The following CTNND2 variants were observed in gnomAD, a reference collection of about 807,000 sequenced individuals.
CTNND2 encodes the protein catenin delta-2.
A neutral mutation model predicts 144.4 loss-of-function variants in CTNND2; 22 were observed. That is an observed-to-expected ratio of 0.15 (90% CI 0.11 to 0.22). CTNND2 has a LOEUF of 0.22. CTNND2 is among the 10% of genes least tolerant of loss of function. The pLI, the probability that CTNND2 is intolerant of heterozygous loss-of-function variation, is 1.00. For synonymous variants in CTNND2, 751 were observed against 695.6 expected (o/e 1.08, Z -1.25); for missense variants, 1,353 against 1,618.8 (o/e 0.84, Z 2.82).
At position 11,355,230 on chromosome 5, in the gene CTNND2, A is replaced by G. The variant is rs148801132; in HGVS notation, c.1373-8603T>C. On this transcript the variant is annotated intron_variant, in intron 8 of 21. Coordinates refer to ENST00000304623, the MANE Select transcript of CTNND2 (RefSeq NM_001332.4). The stretch of plus-strand genomic sequence containing the variant: ...TAAACTCAAAATTGGTAGAAAGAAG[A>G]AAACAATAAAGGTGTGTTTATTTTT... 6.5e-4 allele frequency among the ~76,000 whole-genome samples: 99 copies of G among 152,272 alleles called. 1 individual carries two copies. Among genetic ancestry groups the G allele is most frequent in the South Asian group, 3.7e-3 (18 of 4,824 alleles).
chr5:11,317,586 C>T (rs42279), intron 9 of CTNND2, among the ~76,000 whole-genome samples: 38,389 of 152,042 alleles, frequency 0.25, 6,091 homozygotes, highest in African/African-American at 0.43. Flanking sequence ...AAGTACTTTT[C>T]AATGATTTTT....
intron 9 of CTNND2, among the ~76,000 whole-genome samples, chr5:11,250,629 G>A (rs1049189718): frequency 6.7e-6 from 1 of 150,356 alleles, no homozygotes; most frequent in African/African-American, 2.5e-5. Context: ...TGATCCTCCT[G>A]TCTCAGCCTC....
intron 9 of CTNND2, among the ~76,000 whole-genome samples, chr5:11,320,933 T>G (rs559341852): frequency 1.3e-5 from 2 of 152,218 alleles, no homozygotes; most frequent in African/African-American, 4.8e-5. Flanking sequence ...GAATTTAACA[T>G]AGCTTTACAC....
At chr5:11,800,820 T>C (rs1581906552) in intron 1 of CTNND2, among the ~76,000 whole-genome samples, 2 of 152,284 alleles carry the variant, frequency 1.3e-5, no homozygotes, top group East Asian at 3.9e-4. Context: ...AATCCAAAGA[T>C]AAAGTAATAG....
At chr5:11,831,084 G>A (rs968636422) in intron 1 of CTNND2, among the ~76,000 whole-genome samples, 4 of 151,934 alleles carry the variant, frequency 2.6e-5, no homozygotes, top group Non-Finnish European at 5.9e-5. Context: ...CTGCTGGGTT[G>A]GAAGACTCAA....
chr5:11,454,305 A>G (rs753229618), intron 3 of CTNND2, among the ~76,000 whole-genome samples: 1 of 152,146 alleles, frequency 6.6e-6, no homozygotes, highest in Non-Finnish European at 1.5e-5. Context: ...CTGTAGTCCC[A>G]GCTACTAGGG....
At position 11,346,354 on chromosome 5, in the gene CTNND2, A is replaced by G. The variant is rs7720347; in HGVS notation, c.1628+18T>C. On this transcript the variant is annotated intron_variant, in intron 9 of 21. Transcript: ENST00000304623. ...ACCTCTTTAGACATCATAGGGAAAG[A>G]AAAAGGTTTTTACCCACCTGGGATC... 3.3e-4 allele frequency: 467 copies of G among 1,418,172 alleles called. 2 individuals carry two copies. In the African/African-American group the frequency reaches 6.4e-3, roughly 19 times the overall value. 87.8% of individuals were successfully genotyped at this position (1,418,172 alleles called of 1,614,324 possible). A position where few individuals can be genotyped will look rare whatever the true frequency, so the allele number is the denominator to read the frequency against.
At chr5:11,789,000 A>G (rs141652653) in intron 1 of CTNND2, among the ~76,000 whole-genome samples, 3,307 of 152,246 alleles carry the variant, frequency 0.022, 104 homozygotes, top group African/African-American at 0.076. Flanking sequence ...AAAGAAATGC[A>G]TATCAAAACC....
intron 1 of CTNND2, among the ~76,000 whole-genome samples, chr5:11,813,785 A>G (rs1792478652): frequency 6.6e-6 from 1 of 152,218 alleles, no homozygotes; most frequent in Non-Finnish European, 1.5e-5. Context: ...AAGCACTGGG[A>G]TTAAAGGCAT....
At chr5:11,008,365 G>C (rs966147483) in intron 18 of CTNND2, among the ~76,000 whole-genome samples, 1 of 152,220 alleles carries the variant, frequency 6.6e-6, no homozygotes, top group Admixed American at 6.5e-5. Context: ...AGAGAGATTT[G>C]GGGGGTCACA....
chr5:11,436,207 G>A (rs1763759873), intron 3 of CTNND2, among the ~76,000 whole-genome samples: 1 of 151,892 alleles, frequency 6.6e-6, no homozygotes, highest in Non-Finnish European at 1.5e-5. Context: ...CAGACGAATG[G>A]GAGAAAGATT....
chr5:11,207,770 T>C (rs1048284297), intron 10 of CTNND2, among the ~76,000 whole-genome samples: 10 of 152,202 alleles, frequency 6.6e-5, no homozygotes, highest in African/African-American at 2.4e-4. Flanking sequence ...AACTTGACTC[T>C]GAGAAAACCT....
intron 3 of CTNND2, among the ~76,000 whole-genome samples, chr5:11,533,918 A>G (rs1185262846): frequency 6.6e-6 from 1 of 152,144 alleles, no homozygotes; most frequent in Non-Finnish European, 1.5e-5. Context: ...GGAAGCTCAC[A>G]CATTATTCTG....
At chr5:11,428,168 T>G (rs552688057) in intron 3 of CTNND2, among the ~76,000 whole-genome samples, 1 of 152,274 alleles carries the variant, frequency 6.6e-6, no homozygotes, top group East Asian at 1.9e-4. Context: ...AAGTTGAGAC[T>G]TGGTGGGGAC....
At chr5:11,247,403 G>A (rs1743115131) in intron 9 of CTNND2, among the ~76,000 whole-genome samples, 1 of 152,326 alleles carries the variant, frequency 6.6e-6, no homozygotes, top group South Asian at 2.1e-4. Context: ...ATATCACTGG[G>A]GGCCTGGGCC....
chr5:11,381,696 G>A (rs1758494351), intron 7 of CTNND2, among the ~76,000 whole-genome samples: 1 of 152,198 alleles, frequency 6.6e-6, no homozygotes, highest in South Asian at 2.1e-4. Flanking sequence ...GACCAGGTGT[G>A]GTGGCTCACG....
intron 2 of CTNND2, among the ~76,000 whole-genome samples, chr5:11,660,976 G>C (rs1171552105): frequency 2.6e-5 from 4 of 152,036 alleles, no homozygotes; most frequent in Non-Finnish European, 5.9e-5. Context: ...CTGAAACATG[G>C]CTACTCAGTT....
intron 9 of CTNND2, among the ~76,000 whole-genome samples, chr5:11,296,112 C>T (rs1450559445): frequency 4.8e-5 from 7 of 146,738 alleles, no homozygotes; most frequent in Non-Finnish European, 9.0e-5. Flanking sequence ...CCAGAATCTA[C>T]AATGAACTCA....
chr5:11,120,024 G>GTTGTCA (rs1753926651), intron 12 of CTNND2, among the ~76,000 whole-genome samples: 2 of 152,148 alleles, frequency 1.3e-5, no homozygotes, highest in Admixed American at 1.3e-4. Flanking sequence ...AACATCAGAA[G>GTTGTCA]TTGTCAATAC....
Sources: gnomAD v4.1 joint callset for allele counts (sites outside exome capture counted in the v4.1 genomes callset) on GRCh38, gnomAD v4.1.1 for gene constraint, MANE v1.5 for transcripts, NCBI Gene and HGNC (gene_info 2026-07-23, HGNC 2026-07-21) for gene names.